The following MCM8 variants were observed in gnomAD, a reference collection of about 807,000 sequenced individuals.
MCM8 encodes DNA helicase MCM8.
A neutral mutation model predicts 98.9 loss-of-function variants in MCM8; 85 were observed. The observed-to-expected ratio is 0.86, with a 90% confidence interval of 0.72 to 1.03. The LOEUF is 1.03. MCM8 is among the 50% of genes least tolerant of loss of function. MCM8 has a pLI of 0.00. For missense variants in MCM8, 951 were observed against 997.8 expected (o/e 0.95, Z 0.63); for synonymous variants, 352 against 338.6 (o/e 1.04, Z -0.44).
intron 6 of MCM8, among the ~76,000 whole-genome samples, chr20:5,957,613 T>C (rs1283495899): frequency 3.9e-5 from 6 of 152,308 alleles, no homozygotes; most frequent in African/African-American, 1.4e-4. Context: ...TGAAAGGAAA[T>C]GTTCATTGGA....
intron 7 of MCM8, among the ~76,000 whole-genome samples, chr20:5,960,180 G>A (rs577413489): frequency 1.3e-5 from 2 of 152,194 alleles, no homozygotes; most frequent in South Asian, 4.2e-4. Flanking sequence ...TCTGATTTCT[G>A]TTGTGGTTGA....
intron 13 of MCM8, among the ~76,000 whole-genome samples, chr20:5,981,306 T>C (rs2089625369): frequency 6.6e-6 from 1 of 152,288 alleles, no homozygotes; most frequent in South Asian, 2.1e-4. Context: ...AGATAAAGCC[T>C]GTGAGTCTAC....
At chr20:5,967,659 C>G (rs2089305060) in intron 9 of MCM8, 72 bp downstream of exon 9, 6 of 1,491,600 alleles carry the variant, frequency 4.0e-6, no homozygotes, top group African/African-American at 1.4e-5. Flanking sequence ...CTAAGATGCT[C>G]CTGAACCTCA....
At chr20:5,988,783 C>A (rs2089784131) in intron 17 of MCM8, among the ~76,000 whole-genome samples, 1 of 152,150 alleles carries the variant, frequency 6.6e-6, no homozygotes, top group Non-Finnish European at 1.5e-5. Context: ...ATTTCTAATT[C>A]TTCTAAGGTA....
chr20:5,952,680 A>T lies in MCM8; in HGVS notation c.253+152A>T, dbSNP rs569614626. Reference sequence around the variant, plus strand: ...ACAATTAAATGATGTTTATGTTTCAAAAGCATTTTAGACTTTATATCAGTC... The same window carrying T: ...ACAATTAAATGATGTTTATGTTTCATAAGCATTTTAGACTTTATATCAGTC... On this transcript the variant is annotated intron_variant, in intron 3 of 18. Transcript: ENST00000610722. The T allele has an allele frequency of 3.6e-4, 254 of 696,370 alleles. 1 individual carries two copies. Among genetic ancestry groups the T allele is most frequent in the Middle Eastern group, 8.9e-4 (3 of 3,386 alleles). 43.1% of individuals were successfully genotyped at this position (696,370 alleles called of 1,614,324 possible).
intron 10 of MCM8, among the ~76,000 whole-genome samples, chr20:5,969,083 A>G (rs543425723): frequency 6.8e-4 from 103 of 152,278 alleles, no homozygotes; most frequent in Middle Eastern, 3.4e-3. Context: ...CTTAAAATGG[A>G]AATAATAAGA....
At chr20:5,969,563 G>A (rs983951214) in intron 10 of MCM8, among the ~76,000 whole-genome samples, 19 of 147,480 alleles carry the variant, frequency 1.3e-4, no homozygotes, top group African/African-American at 4.5e-4. Context: ...CTGCACTCCA[G>A]CCTGAGCAAC....
Position 5,986,119 on chromosome 20 carries a change from TC to T in MCM8, c.2152del (p.Arg718ValfsTer2), listed in dbSNP as rs1279978607. ...ITTRQLESLI[R>X]LTEARARLEL... is the part of the protein sequence containing the mutation. ...CTACCAGGCAGCTGGAATCTTTGAT[TC>T]GTCTGACAGAGGTTTGTTTCTTTTT... On this transcript the variant is annotated frameshift_variant, in exon 16 of 19. Coordinates refer to ENST00000610722, the MANE Select transcript of MCM8 (RefSeq NM_032485.6). LOFTEE classifies it high-confidence loss of function. 1 of 1,614,182 alleles carries T rather than the reference TC, an allele frequency of 6.2e-7. No individual in the cohort carries two copies. The highest frequency in any genetic ancestry group is 8.5e-7 in the Non-Finnish European group (1 of 1,180,026).
chr20:5,987,617 A>G (rs2122819480), intron 17 of MCM8, among the ~76,000 whole-genome samples: 1 of 152,062 alleles, frequency 6.6e-6, no homozygotes, highest in African/African-American at 2.4e-5. Flanking sequence ...TTTACCACCT[A>G]CTCGCCCTTC....
rs537492382 is a variant in MCM8 at position 5,990,520 on chromosome 20, A to G, written c.2241-2986A>G. Among the ~76,000 whole-genome samples, 16 of 152,260 alleles carry G rather than the reference A, an allele frequency of 1.1e-4. No individual in the cohort carries two copies. In the South Asian group the frequency reaches 1.9e-3, roughly 18 times the overall value. On this transcript the variant is annotated intron_variant, in intron 17 of 18. Coordinates refer to ENST00000610722, the MANE Select transcript of MCM8 (RefSeq NM_032485.6). ...TTATGTTGGAGACCCTCTAGTTGCCATTTATAAGCAACCAGATAGTCTAGG... is the reference window on the plus strand; with the variant it reads ...TTATGTTGGAGACCCTCTAGTTGCCGTTTATAAGCAACCAGATAGTCTAGG...
intron 17 of MCM8, 137 bp downstream of exon 17, chr20:5,987,495 G>T: frequency 3.2e-6 from 2 of 616,802 alleles, no homozygotes; most frequent in African/African-American, 1.9e-5. Flanking sequence ...CCGTTTCTTA[G>T]TTTAAAATAT....
In MCM8 at chr20:5,961,478, T is replaced by C. The variant is rs374039597; in HGVS notation, c.790-1796T>C. On this transcript the variant is annotated intron_variant, in intron 7 of 18. Coordinates refer to ENST00000610722, the MANE Select transcript of MCM8 (RefSeq NM_032485.6). ...TATGTTTGAAATTCCTAAGGCTTCT[T>C]TCTCTGACTGGAAGAAGAGGGTATG... 7.9e-5 allele frequency among the ~76,000 whole-genome samples: 12 copies of C among 152,344 alleles called. No homozygotes were observed. In the East Asian group the frequency reaches 1.5e-3, roughly 20 times the overall value.
In MCM8 at chr20:5,967,961, C is replaced by T. The variant is rs1317070327; in HGVS notation, c.1159C>T (p.Leu387Phe). The T allele has an allele frequency of 1.2e-6, 2 of 1,614,108 alleles. No individual in the cohort carries two copies. Among genetic ancestry groups the T allele is most frequent in the South Asian group, 2.2e-5 (2 of 91,072 alleles). Residue 387 changes from leucine (L) to phenylalanine (F), a missense_variant, in exon 10 of 19, where the codon CTT becomes TTT. Coordinates refer to ENST00000610722, the MANE Select transcript of MCM8 (RefSeq NM_032485.6). ...CKHGMLMEFS[L>F]KDLYAIQEIQ... ...GCATGGAATGTTGATGGAGTTCTCACTTAAAGACCTTTATGCCATCCAAGA... is the reference window on the plus strand; with the variant it reads ...GCATGGAATGTTGATGGAGTTCTCATTTAAAGACCTTTATGCCATCCAAGA...
At chr20:5,978,338 G>A (rs1164126600) in intron 13 of MCM8, among the ~76,000 whole-genome samples, 1 of 151,982 alleles carries the variant, frequency 6.6e-6, no homozygotes, top group African/African-American at 2.4e-5. Flanking sequence ...TTTTTTAAAA[G>A]CCTGTTTTGA....
At chr20:5,962,708 A>C (rs958560350) in intron 7 of MCM8, among the ~76,000 whole-genome samples, 1 of 152,200 alleles carries the variant, frequency 6.6e-6, no homozygotes, top group Non-Finnish European at 1.5e-5. Context: ...AAGGTTCTAA[A>C]AAGTCTTGAA....
Position 5,994,792 on chromosome 20 carries a change from T to C in MCM8, c.*401T>C, listed in dbSNP as rs1485561510. On this transcript the variant is annotated 3_prime_UTR_variant, in exon 19 of 19. Transcript: ENST00000610722. ...GGTATGGTGGCACATGCCTATAGTC[T>C]CAGCTACTTGTGAGGCTGAGGCAGG... is the stretch of plus-strand genomic sequence containing the variant. 1 of 436,458 alleles carries C rather than the reference T, an allele frequency of 2.3e-6. No individual in the cohort carries two copies. The highest frequency in any genetic ancestry group is 4.5e-6 in the Non-Finnish European group (1 of 219,782). The allele number at this position is 436,458 out of a possible 1,614,324, so 27.0% of individuals were successfully genotyped here.
At position 5,961,685 on chromosome 20, in the gene MCM8, G is replaced by A. The variant is rs959859479; in HGVS notation, c.790-1589G>A. Among the ~76,000 whole-genome samples, 4 of 152,176 alleles carry A rather than the reference G, an allele frequency of 2.6e-5. No individual in the cohort carries two copies. The East Asian group carries it at 5.8e-4, about 22-fold the overall frequency. ...GACGGGGTCTCACTCTGTCACCCAG[G>A]CTGGAGTGCAGGGGCATGAATACAG... On this transcript the variant is annotated intron_variant, in intron 7 of 18. Coordinates refer to ENST00000610722, the MANE Select transcript of MCM8 (RefSeq NM_032485.6).
chr20:5,967,655 T>C, intron 9 of MCM8, 68 bp downstream of exon 9: 1 of 1,520,366 alleles, frequency 6.6e-7, no homozygotes, highest in African/African-American at 1.4e-5. Context: ...TTTTCTAAGA[T>C]GCTCCTGAAC....
At chr20:5,986,265 GAA>G in intron 16 of MCM8, 134 bp downstream of exon 16, 2 of 758,112 alleles carry the variant, frequency 2.6e-6, no homozygotes, top group Non-Finnish European at 4.2e-6. Flanking sequence ...ATGGATGGAT[GAA>G]AGTTTTTTAA....
Sources: gnomAD v4.1 joint callset for allele counts (sites outside exome capture counted in the v4.1 genomes callset) on GRCh38, gnomAD v4.1.1 for gene constraint, MANE v1.5 for transcripts, NCBI Gene and HGNC (gene_info 2026-07-23, HGNC 2026-07-21) for gene names.